The following HHLA2 variants were observed in gnomAD, a reference collection of about 807,000 sequenced individuals.
The protein encoded by HHLA2 is HERV-H LTR-associating protein 2.
A neutral mutation model predicts 45.9 loss-of-function variants in HHLA2; 48 were observed. That is an observed-to-expected ratio of 1.05 (90% confidence interval 0.83 to 1.33). HHLA2 has a LOEUF of 1.33. Among genes scored for constraint, HHLA2 ranks in the 40% most tolerant of loss-of-function variants. The pLI is 0.00. For missense variants in HHLA2, 462 were observed against 494.3 expected (o/e 0.93, Z 0.62); for synonymous variants, 161 against 173.9 (o/e 0.93, Z 0.59).
rs557440188 is a variant in HHLA2 at position 108,304,493 on chromosome 3, C to T, written c.-191-6162C>T. Among the ~76,000 whole-genome samples the T allele has an allele frequency of 3.3e-5, 5 of 152,266 alleles. No individual in the cohort carries two copies. In the South Asian group the frequency reaches 1.0e-3, roughly 32 times the overall value. ...GTCTCCTTTCATACCTCTCATAGGA[C>T]TTAAGACACAGCCTAATCCAGTATG... On this transcript the variant is annotated intron_variant, in intron 1 of 10. Transcript: ENST00000619531.
At chr3:108,351,766 G>T in intron 3 of HHLA2, 22 bp from the exon 3 acceptor site, 1 of 1,496,144 alleles carries the variant, frequency 6.7e-7, no homozygotes, top group Non-Finnish European at 9.3e-7. Context: ...CATAACATGT[G>T]CACTTTACTT....
chr3:108,310,194 A>G (rs1236424270), intron 1 of HHLA2, among the ~76,000 whole-genome samples: 1 of 152,094 alleles, frequency 6.6e-6, no homozygotes, highest in Non-Finnish European at 1.5e-5. Context: ...GAGAAAATAT[A>G]TTTTTCCAGA....
chr3:108,356,997 A>G (rs749044563), intron 6 of HHLA2, among the ~76,000 whole-genome samples: 2 of 152,236 alleles, frequency 1.3e-5, no homozygotes, highest in Admixed American at 6.5e-5. Flanking sequence ...TGTGGAATCA[A>G]TGGATCAAGA....
chr3:108,315,475 T>C (rs1272960918), intron 2 of HHLA2, among the ~76,000 whole-genome samples: 1 of 152,224 alleles, frequency 6.6e-6, no homozygotes, highest in Non-Finnish European at 1.5e-5. Flanking sequence ...TTGCCTTCTG[T>C]ATATTTTGTG....
chr3:108,321,749 T>C lies in HHLA2; in HGVS notation c.-104-6521T>C, dbSNP rs1423562394. Reference sequence around the variant, plus strand: ...TTGTTTTCTACCCTGTTTCCTGTTTTCTCTTTTTCTCTAGATTTTTTAGAG... The same window carrying C: ...TTGTTTTCTACCCTGTTTCCTGTTTCCTCTTTTTCTCTAGATTTTTTAGAG... On this transcript the variant is annotated intron_variant, in intron 2 of 10. Transcript: ENST00000619531. 2.0e-5 allele frequency among the ~76,000 whole-genome samples: 3 copies of C among 152,120 alleles called. No individual in the cohort carries two copies. The East Asian group carries it at 5.8e-4, about 29-fold the overall frequency.
chr3:108,311,090 T>C (rs1176370465), intron 2 of HHLA2, among the ~76,000 whole-genome samples: 1 of 152,206 alleles, frequency 6.6e-6, no homozygotes, highest in Non-Finnish European at 1.5e-5. Context: ...CTTAGGAAAT[T>C]GTTCTACTCA....
chr3:108,298,736 G>A (rs1034966127), intron 1 of HHLA2, among the ~76,000 whole-genome samples: 3 of 152,156 alleles, frequency 2.0e-5, no homozygotes, highest in Non-Finnish European at 2.9e-5. Context: ...CCCCTCAGAG[G>A]CTCATTTTAA....
chr3:108,321,967 A>G (rs920080962), intron 2 of HHLA2, among the ~76,000 whole-genome samples: 1 of 151,938 alleles, frequency 6.6e-6, no homozygotes, highest in Non-Finnish European at 1.5e-5. Context: ...ACTTTTTCTT[A>G]TCTCTCTGAA....
intron 8 of HHLA2, among the ~76,000 whole-genome samples, chr3:108,366,296 T>C (rs1235864790): frequency 6.6e-6 from 1 of 152,256 alleles, no homozygotes; most frequent in Non-Finnish European, 1.5e-5. Flanking sequence ...GATTTGCATA[T>C]GTTGAACCAG....
chr3:108,368,536 A>G (rs1357675402), intron 8 of HHLA2, among the ~76,000 whole-genome samples: 1 of 37,616 alleles, frequency 2.7e-5, no homozygotes, highest in Non-Finnish European at 4.6e-5. Context: ...AACGAAGAGC[A>G]AAAAAAAAAA....
intron 8 of HHLA2, among the ~76,000 whole-genome samples, chr3:108,364,025 T>C (rs1264961866): frequency 6.6e-6 from 1 of 151,906 alleles, no homozygotes; most frequent in East Asian, 1.9e-4. Context: ...GTGCTGAACA[T>C]GCAGGTTTGT....
intron 5 of HHLA2, among the ~76,000 whole-genome samples, chr3:108,354,090 A>C (rs967082026): frequency 3.3e-5 from 5 of 152,190 alleles, no homozygotes; most frequent in African/African-American, 1.2e-4. Flanking sequence ...TACTGATACT[A>C]GCAGCATAAG....
At chr3:108,358,701 C>T (rs554485589) in intron 7 of HHLA2, among the ~76,000 whole-genome samples, 1 of 152,290 alleles carries the variant, frequency 6.6e-6, no homozygotes, top group Non-Finnish European at 1.5e-5. Flanking sequence ...AGTCAACTAA[C>T]CATCAAGTCA....
At chr3:108,355,134 G>A (rs772862577) in exon 6 of HHLA2, 1 of 1,612,830 alleles carries the variant, frequency 6.2e-7, no homozygotes, top group South Asian at 1.1e-5. Flanking sequence ...CACCCGTGAT[G>A]AAGTATGAAA....
exon 11 of HHLA2, chr3:108,377,335 C>T (rs2082292825): frequency 1.5e-6 from 2 of 1,304,890 alleles, no homozygotes; most frequent in Admixed American, 3.7e-5. Flanking sequence ...CCAGTGACTT[C>T]ATCTCCCCTT....
At chr3:108,361,190 A>C (rs1328382833) in intron 7 of HHLA2, among the ~76,000 whole-genome samples, 1 of 152,242 alleles carries the variant, frequency 6.6e-6, no homozygotes, top group African/African-American at 2.4e-5. Flanking sequence ...CACTATCAGC[A>C]GGTCCTCCTT....
At chr3:108,345,597 C>G (rs919481380) in intron 3 of HHLA2, among the ~76,000 whole-genome samples, 2 of 152,226 alleles carry the variant, frequency 1.3e-5, no homozygotes, top group Non-Finnish European at 2.9e-5. Flanking sequence ...GCTGACCCGT[C>G]TCCTCTGGGA....
intron 1 of HHLA2, among the ~76,000 whole-genome samples, chr3:108,297,337 C>T (rs2080776912): frequency 6.6e-6 from 1 of 151,980 alleles, no homozygotes; most frequent in Admixed American, 6.6e-5. Flanking sequence ...AATTTCTGTC[C>T]AGAATGGCAA....
chr3:108,333,665 G>A (rs982796034), intron 3 of HHLA2, among the ~76,000 whole-genome samples: 4 of 150,750 alleles, frequency 2.7e-5, no homozygotes, highest in Non-Finnish European at 5.9e-5. Context: ...GGATAGAGAG[G>A]AAAAAAACTT....
Sources: allele counts gnomAD v4.1 joint callset (sites outside exome capture counted in the v4.1 genomes callset), GRCh38; gene constraint gnomAD v4.1.1; transcripts MANE v1.5; gene names NCBI Gene and HGNC (gene_info 2026-07-23, HGNC 2026-07-21).